Variants in SCN3A observed in about 807,000 individuals in gnomAD.
SCN3A encodes the protein sodium channel protein type 3 subunit alpha.
A neutral mutation model predicts 187.6 loss-of-function variants in SCN3A; 60 were observed. The observed-to-expected ratio is 0.32, with a 90% CI of 0.26 to 0.40. The LOEUF (loss-of-function observed/expected upper bound fraction) is 0.40, where lower values mean the gene tolerates loss of function less well. Ranked by LOEUF, SCN3A falls within the 10% of genes least tolerant of loss-of-function variation. The pLI is 1.00. For synonymous variants in SCN3A, 788 were observed against 829.2 expected, an observed-to-expected ratio of 0.95 and a Z score of 0.85; for missense variants, 1,601 against 2,428.2, an observed-to-expected ratio of 0.66 and a Z score of 7.16.
intron 9 of SCN3A, among the ~76,000 whole-genome samples, chr2:165,157,932 T>C (rs1324417015): frequency 6.6e-6 from 1 of 152,222 alleles, no homozygotes; most frequent in African/African-American, 2.4e-5. Flanking sequence ...TTTTGTTTTT[T>C]AACACTTTCT....
chr2:165,149,537 T>A (rs1443739318), intron 11 of SCN3A, among the ~76,000 whole-genome samples: 1 of 152,174 alleles, frequency 6.6e-6, no homozygotes, highest in Non-Finnish European at 1.5e-5. Flanking sequence ...TTCAAATAAC[T>A]CAAAACCAAA....
chr2:165,115,079 G>C (rs893502146), intron 19 of SCN3A, among the ~76,000 whole-genome samples: 1 of 151,764 alleles, frequency 6.6e-6, no homozygotes, highest in African/African-American at 2.4e-5. Context: ...TTTGAGACAG[G>C]GTCTTGCTCT....
intron 21 of SCN3A, among the ~76,000 whole-genome samples, chr2:165,102,387 G>A (rs778693779): frequency 1.5e-4 from 23 of 152,076 alleles, no homozygotes; most frequent in Non-Finnish European, 2.9e-4. Flanking sequence ...ATGGTGGCTC[G>A]CACTTGTAGC....
chr2:165,146,309 A>G (rs1415294734), intron 12 of SCN3A, among the ~76,000 whole-genome samples: 2 of 151,720 alleles, frequency 1.3e-5, no homozygotes, highest in African/African-American at 2.4e-5. Context: ...TGGGGTCTCA[A>G]AATGGAAAAT....
At chr2:165,106,220 AG>A (rs201849205) in intron 21 of SCN3A, among the ~76,000 whole-genome samples, 1,736 of 152,204 alleles carry the variant, frequency 0.011, 38 homozygotes, top group African/African-American at 0.038. Context: ...GCAGTGGGGG[AG>A]GGGTCTTTAA....
intron 16 of SCN3A, among the ~76,000 whole-genome samples, chr2:165,130,749 A>G (rs139909929): frequency 1.3e-5 from 2 of 152,290 alleles, no homozygotes; most frequent in Non-Finnish European, 2.9e-5. Flanking sequence ...TTGAAAAAAT[A>G]CACATTTTGC....
intron 2 of SCN3A, among the ~76,000 whole-genome samples, chr2:165,179,974 C>T (rs1046217736): frequency 6.6e-6 from 1 of 151,838 alleles, no homozygotes; most frequent in African/African-American, 2.4e-5. Context: ...ATTATATGCA[C>T]ATTATAATTT....
rs1043260290 is a variant in SCN3A, at chr2:165,162,371, C to T, written c.968G>A (p.Ser323Asn). The change falls in exon 9 of 28, where the codon AGT (serine) becomes AAT (asparagine). Residue 323 changes from serine to asparagine, a missense_variant and splice_region_variant. Coordinates refer to ENST00000283254, the MANE Select transcript of SCN3A (RefSeq NM_006922.4). ...TTGCCCATCCAAAACATAAAAGTGA[C>T]CTGTTAATACAAAAAAAAACCCATT... is the stretch of plus-strand genomic sequence containing the variant. ...FNWKDYIGDDSHFYVLDGQKD... is the reference protein window; with the variant it reads ...FNWKDYIGDDNHFYVLDGQKD... 2 of 1,613,158 alleles carry T rather than the reference C, an allele frequency of 1.2e-6. No individual in the cohort carries two copies. The highest frequency in any genetic ancestry group is 1.7e-6 in the Non-Finnish European group (2 of 1,179,612).
intron 13 of SCN3A, 41 bp from the exon 14 acceptor site, chr2:165,139,649 T>C (rs1440022076): frequency 6.2e-7 from 1 of 1,612,158 alleles, no homozygotes; most frequent in African/African-American, 1.3e-5. Context: ...CTCTTCCCAA[T>C]AAGTAATACA....
In SCN3A at chr2:165,183,036, A is replaced by G. The variant is rs565579917; in HGVS notation, c.-51+3515T>C. Reference sequence around the variant, plus strand: ...GTTGAAGCTGAAGCTAAGAATATTCACGGCATTGCCTAAGGAAAAAAAGTG... The same window carrying G: ...GTTGAAGCTGAAGCTAAGAATATTCGCGGCATTGCCTAAGGAAAAAAAGTG... On this transcript the variant is annotated intron_variant, in intron 2 of 27. Coordinates refer to ENST00000283254, the MANE Select transcript of SCN3A (RefSeq NM_006922.4). Among the ~76,000 whole-genome samples the G allele has an allele frequency of 4.6e-5, 7 of 152,196 alleles. No individual in the cohort carries two copies. The South Asian group carries it at 1.5e-3, about 32-fold the overall frequency.
chr2:165,124,832 T>C (rs902081135), intron 18 of SCN3A, among the ~76,000 whole-genome samples: 19 of 152,304 alleles, frequency 1.2e-4, no homozygotes, highest in African/African-American at 3.8e-4. Flanking sequence ...ACCTCATTGC[T>C]ACCGAATGAT....
intron 5 of SCN3A, 105 bp downstream of exon 5, chr2:165,168,631 T>C: frequency 2.4e-6 from 2 of 849,210 alleles, no homozygotes; most frequent in South Asian, 2.7e-5. Flanking sequence ...GAAAATAACT[T>C]TTTCTTAGAC....
chr2:165,115,523 G>C lies in SCN3A; in HGVS notation c.3446C>G (p.Pro1149Arg), dbSNP rs760566612. 1.9e-6 allele frequency: 3 copies of C among 1,612,988 alleles called. No individual in the cohort carries two copies. Among genetic ancestry groups the C allele is most frequent in the East Asian group, 2.2e-5 (1 of 44,858 alleles). The change falls in exon 19 of 28, where the codon CCC (proline) becomes CGC (arginine). Residue 1149 changes from proline to arginine, a missense_variant. Coordinates refer to ENST00000283254, the MANE Select transcript of SCN3A (RefSeq NM_006922.4). ...SEGSTVDVVL[P>R]REGEQAETEP... ...AGTTTCAGCTTGTTCACCTTCTCGGGGTAGAACAACATCAACTGTGCTTCC... is the reference window on the plus strand; with the variant it reads ...AGTTTCAGCTTGTTCACCTTCTCGGCGTAGAACAACATCAACTGTGCTTCC...
intron 5 of SCN3A, among the ~76,000 whole-genome samples, chr2:165,165,393 TAAATC>T (rs1049869976): frequency 3.9e-5 from 6 of 152,282 alleles, no homozygotes; most frequent in Admixed American, 3.3e-4. Context: ...ACAAAATTCT[TAAATC>T]AAACCTTGCA....
Position 165,130,165 on chromosome 2 carries a change from G to A in SCN3A, c.2697C>T (p.Val899=), listed in dbSNP as rs571183520. 66 of 1,614,048 alleles carry A rather than the reference G, an allele frequency of 4.1e-5. No individual in the cohort carries two copies. In the South Asian group the frequency reaches 5.9e-4, roughly 14 times the overall value. The change falls in exon 17 of 28, where the codon GTC becomes GTT. Residue 899 remains valine (V), a synonymous_variant. Transcript: ENST00000283254. ...AGCTCTTACCAAAGAGCTGCATGCC[G>A]ACCACAGCAAAAATGAAGACGATGA... ...LAIIVFIFAV[V]GMQLFGKSYK... is the part of the protein sequence containing the mutation.
At position 165,162,381 on chromosome 2, in the gene SCN3A, C is replaced by CA. The variant is rs565048561; in HGVS notation, c.968-11dup. 1.2e-3 allele frequency: 1,873 copies of CA among 1,564,878 alleles called. 2 individuals carry two copies. Among genetic ancestry groups the CA allele is most frequent in the East Asian group, 9.5e-3 (397 of 41,796 alleles). On this transcript the variant is annotated splice_polypyrimidine_tract_variant and intron_variant, in intron 8 of 27. Coordinates refer to ENST00000283254, the MANE Select transcript of SCN3A (RefSeq NM_006922.4). ...AAAACATAAAAGTGACCTGTTAATA[C>CA]AAAAAAAAACCCATTTTATTTCATA...
At chr2:165,180,765 G>T (rs895119099) in intron 2 of SCN3A, among the ~76,000 whole-genome samples, 4 of 152,050 alleles carry the variant, frequency 2.6e-5, no homozygotes, top group African/African-American at 9.7e-5. Flanking sequence ...TGCCATGGAT[G>T]GGGAGTGTTA....
rs889061343 is a variant in SCN3A at position 165,088,516 on chromosome 2, G to A, written c.*1634C>T. On this transcript the variant is annotated 3_prime_UTR_variant, in exon 28 of 28. Transcript: ENST00000283254. ...CCATAGTTGGTAGAAAATGATCTAG[G>A]TTTGAGTGTTTGACCAATGTATCTC... The A allele has an allele frequency of 6.6e-6, 1 of 152,358 alleles. No homozygotes were observed. The highest frequency in any genetic ancestry group is 1.5e-5 in the Non-Finnish European group (1 of 67,928). 9.4% of individuals were successfully genotyped at this position (152,358 alleles called of 1,614,324 possible). A position where few individuals can be genotyped will look rare whatever the true frequency, so the allele number is the denominator to read the frequency against.
At chr2:165,161,855 C>T (rs907221646) in intron 9 of SCN3A, among the ~76,000 whole-genome samples, 7 of 152,288 alleles carry the variant, frequency 4.6e-5, no homozygotes, top group Middle Eastern at 3.4e-3. Flanking sequence ...TTCAAGAATA[C>T]TTAAATATTT....
Sources: gnomAD v4.1 joint callset for allele counts (sites outside exome capture counted in the v4.1 genomes callset) on GRCh38, gnomAD v4.1.1 for gene constraint, MANE v1.5 for transcripts, NCBI Gene and HGNC (gene_info 2026-07-23, HGNC 2026-07-21) for gene names.